The following CDYL2 variants were observed in gnomAD, a reference collection of about 807,000 sequenced individuals.
CDYL2 encodes chromodomain Y like 2.
In CDYL2, 23 loss-of-function variants were observed where a neutral mutation model predicts 49.4. That is an observed-to-expected ratio of 0.47 (90% confidence interval 0.34 to 0.66). CDYL2 has a LOEUF of 0.66. CDYL2 is among the 30% of genes least tolerant of loss of function. The probability of loss-of-function intolerance (pLI) is 0.01; values close to 1 mark genes in which losing one functional copy is unlikely to be tolerated. For missense variants in CDYL2, 678 were observed against 656.4 expected (o/e 1.03, Z -0.36); for synonymous variants, 360 against 268.8 (o/e 1.34, Z -3.32).
rs75699000 is a variant in CDYL2, at chr16:80,641,060, C to A, written c.617-7824G>T. On this transcript the variant is annotated intron_variant, in intron 2 of 6. Coordinates refer to ENST00000570137, the MANE Select transcript of CDYL2 (RefSeq NM_152342.4). ...TATTCAAAGGGATAATAACAGAGAA[C>A]TTCCCAAGCCTAGAGAAAGATATCA... 6.2e-3 allele frequency among the ~76,000 whole-genome samples: 945 copies of A among 152,214 alleles called. 9 individuals carry two copies. Among genetic ancestry groups the A allele is most frequent in the African/African-American group, 0.022 (907 of 41,530 alleles).
chr16:80,696,131 T>C (rs1180309163), intron 1 of CDYL2, among the ~76,000 whole-genome samples: 1 of 152,142 alleles, frequency 6.6e-6, no homozygotes, highest in Admixed American at 6.5e-5. Flanking sequence ...AATTAAGCAA[T>C]GCGTTCCTTA....
At chr16:80,644,648 T>A (rs143481222) in intron 2 of CDYL2, among the ~76,000 whole-genome samples, 2,135 of 152,262 alleles carry the variant, frequency 0.014, 46 homozygotes, top group African/African-American at 0.048. Flanking sequence ...AAACCCCTGA[T>A]AAAACCATCA....
chr16:80,607,264 G>C (rs1442401360), intron 6 of CDYL2, among the ~76,000 whole-genome samples: 1 of 151,294 alleles, frequency 6.6e-6, no homozygotes, highest in Admixed American at 6.6e-5. Flanking sequence ...AACAGTCAGG[G>C]ATGAGGCCCA....
intron 1 of CDYL2, among the ~76,000 whole-genome samples, chr16:80,802,400 T>C (rs1439598543): frequency 1.3e-5 from 2 of 152,182 alleles, no homozygotes; most frequent in African/African-American, 4.8e-5. Flanking sequence ...ACAGTACTGG[T>C]TACACATAAG....
intron 1 of CDYL2, among the ~76,000 whole-genome samples, chr16:80,797,867 T>C (rs1907813135): frequency 1.3e-5 from 2 of 152,208 alleles, no homozygotes; most frequent in Admixed American, 6.5e-5. Flanking sequence ...CCTACTTCTA[T>C]TCTTCCTCTA....
At chr16:80,635,260 G>A (rs1381055223) in intron 2 of CDYL2, among the ~76,000 whole-genome samples, 2 of 151,972 alleles carry the variant, frequency 1.3e-5, no homozygotes, top group African/African-American at 2.4e-5. Flanking sequence ...AATAGAAAGG[G>A]ACTTCCTAGT....
chr16:80,635,275 T>A (rs939208230), intron 2 of CDYL2, among the ~76,000 whole-genome samples: 3 of 152,202 alleles, frequency 2.0e-5, no homozygotes, highest in Admixed American at 2.0e-4. Flanking sequence ...CCTAGTCCAA[T>A]TGTCTCTGTT....
chr16:80,648,888 CA>C (rs1908467259), intron 2 of CDYL2, among the ~76,000 whole-genome samples: 2 of 152,148 alleles, frequency 1.3e-5, no homozygotes, highest in East Asian at 3.9e-4. Context: ...GAATGATGGA[CA>C]AAAACCATAT....
intron 1 of CDYL2, among the ~76,000 whole-genome samples, chr16:80,757,300 G>T (rs1906344162): frequency 6.6e-6 from 1 of 152,068 alleles, no homozygotes; most frequent in African/African-American, 2.4e-5. Flanking sequence ...ATATATTTGG[G>T]AGGCTGGGGC....
chr16:80,773,827 G>C (rs1209412932), intron 1 of CDYL2, among the ~76,000 whole-genome samples: 2 of 152,002 alleles, frequency 1.3e-5, no homozygotes, highest in East Asian at 1.9e-4. Flanking sequence ...AGCAATGGCA[G>C]GCTGAAATCT....
chr16:80,655,094 G>C (rs1908747862), intron 2 of CDYL2, among the ~76,000 whole-genome samples: 1 of 152,194 alleles, frequency 6.6e-6, no homozygotes, highest in African/African-American at 2.4e-5. Context: ...CCAGAGCCTG[G>C]GGACATCCAT....
At chr16:80,658,069 A>G (rs1462295129) in intron 2 of CDYL2, among the ~76,000 whole-genome samples, 2 of 152,054 alleles carry the variant, frequency 1.3e-5, no homozygotes, top group Non-Finnish European at 1.5e-5. Context: ...AATGTAAAAA[A>G]AAAAGATGGG....
chr16:80,639,764 T>C (rs758156453), intron 2 of CDYL2: 5 of 455,714 alleles, frequency 1.1e-5, no homozygotes, highest in South Asian at 3.1e-5. Context: ...CCCCTCCCCC[T>C]GAAGCAGTAG....
intron 5 of CDYL2, among the ~76,000 whole-genome samples, chr16:80,609,585 A>T (rs981322896): frequency 5.3e-5 from 8 of 152,358 alleles, no homozygotes; most frequent in African/African-American, 1.9e-4. Context: ...AAATGAACTC[A>T]GCAGAAGTTC....
intron 2 of CDYL2, among the ~76,000 whole-genome samples, chr16:80,668,811 A>G (rs1012727083): frequency 2.2e-4 from 33 of 152,072 alleles, no homozygotes; most frequent in African/African-American, 7.2e-4. Context: ...AGGCAGGACA[A>G]CCACTTGAAC....
At position 80,632,917 on chromosome 16, in the gene CDYL2, T is replaced by A. The variant is rs1011278248; in HGVS notation, c.834+102A>T. Reference sequence around the variant, plus strand: ...AAGTTTTTATGCACGCTAGTTACCATCCTCAGCTCCCTGATGGAAGGAAGG... The same window carrying A: ...AAGTTTTTATGCACGCTAGTTACCAACCTCAGCTCCCTGATGGAAGGAAGG... On this transcript the variant is annotated intron_variant, in intron 3 of 6. Transcript: ENST00000570137. The A allele has an allele frequency of 1.0e-5, 12 of 1,178,424 alleles. No homozygotes were observed. The African/African-American group carries it at 1.5e-4, about 15-fold the overall frequency. The allele number at this position is 1,178,424 out of a possible 1,614,324, so 73.0% of individuals were successfully genotyped here. A position where few individuals can be genotyped will look rare whatever the true frequency, so the allele number is the denominator to read the frequency against.
At chr16:80,757,054 T>A (rs1906335972) in intron 1 of CDYL2, among the ~76,000 whole-genome samples, 1 of 152,122 alleles carries the variant, frequency 6.6e-6, no homozygotes, top group Non-Finnish European at 1.5e-5. Flanking sequence ...ACAATTAATA[T>A]GTAACACCAG....
intron 1 of CDYL2, among the ~76,000 whole-genome samples, chr16:80,786,543 G>C (rs1567606509): frequency 6.6e-6 from 1 of 152,178 alleles, no homozygotes; most frequent in East Asian, 1.9e-4. Flanking sequence ...AACCATTGTG[G>C]AAGACAGTGT....
chr16:80,648,212 T>G (rs1908434765), intron 2 of CDYL2, among the ~76,000 whole-genome samples: 1 of 151,860 alleles, frequency 6.6e-6, no homozygotes, highest in South Asian at 2.1e-4. Context: ...GATGAATGAA[T>G]CAAAAAGTTG....
Sources: gnomAD v4.1 joint callset for allele counts (sites outside exome capture counted in the v4.1 genomes callset) on GRCh38, gnomAD v4.1.1 for gene constraint, MANE v1.5 for transcripts, NCBI Gene and HGNC (gene_info 2026-07-23, HGNC 2026-07-21) for gene names.